Variants in SETD1B observed in about 807,000 individuals in gnomAD.
SETD1B encodes SET domain containing 1B, histone lysine methyltransferase.
A neutral mutation model predicts 148.0 loss-of-function variants in SETD1B; 7 were observed. The observed-to-expected ratio is 0.05, with a 90% CI of 0.03 to 0.09. The LOEUF (loss-of-function observed/expected upper bound fraction) is 0.09, where lower values mean the gene tolerates loss of function less well. Among genes scored for constraint, SETD1B ranks in the 10% least tolerant of loss-of-function variants. The pLI, the probability that SETD1B is intolerant of heterozygous loss-of-function variation, is 1.00. For synonymous variants in SETD1B, 1,361 were observed against 1,186.5 expected (o/e 1.15, Z -3.02); for missense variants, 2,155 against 2,729.9 (o/e 0.79, Z 4.69).
rs547890838 is a variant in SETD1B, at chr12:121,817,190, G to A, written c.2873G>A (p.Arg958His). 6 of 1,550,268 alleles carry A rather than the reference G, an allele frequency of 3.9e-6. No homozygotes were observed. The highest frequency in any genetic ancestry group is 5.2e-6 in the Non-Finnish European group (6 of 1,146,920). ...GLGIGLRGAI[R>H]LPSFKVKRKE... ...GGCATTGGGCTGCGTGGGGCCATTC[G>A]CCTGCCCTCCTTCAAGGTCAAGAGG... The change falls in exon 8 of 17, where the codon CGC becomes CAC. Residue 958 changes from arginine to histidine, a missense_variant. Arg to His is a conservative substitution (Grantham distance 29, BLOSUM62 0). This residue lies in a region of SETD1B where 289 missense variants were observed against 423.7 expected (regional missense o/e 0.68). Coordinates refer to ENST00000604567, the MANE Select transcript of SETD1B (RefSeq NM_001353345.2). This position sits in a 1 kb window ranked among gnomAD's most constrained non-coding sequence, Gnocchi z 8.1.
intron 5 of SETD1B, among the ~76,000 whole-genome samples, chr12:121,809,129 T>C (rs1350808850): frequency 2.0e-5 from 3 of 152,162 alleles, no homozygotes; most frequent in African/African-American, 7.2e-5. Flanking sequence ...CTGCCTCGGC[T>C]TCCCAAAGTG....
chr12:121,803,900 C>A (rs1875545904), upstream of SETD1B: 1 of 153,856 alleles, frequency 6.5e-6, no homozygotes, highest in Non-Finnish European at 1.5e-5. This position sits in a 1 kb window ranked among gnomAD's most constrained non-coding sequence, Gnocchi z 4.7. Context: ...GCAGCTGCCG[C>A]CGCCGGGAGA....
At chr12:121,797,220 C>T in the SETD1B span, 2 of 356,988 alleles carry the variant, frequency 5.6e-6, no homozygotes, top group African/African-American at 4.3e-5. Context: ...ATGTTCCACG[C>T]TAGGGCTCCG....
intron 4 of SETD1B, 85 bp downstream of exon 4, chr12:121,806,190 C>A: frequency 9.2e-6 from 13 of 1,419,714 alleles, no homozygotes; most frequent in South Asian, 1.4e-5. Context: ...GGGGAGGACC[C>A]CCCCTCACTC....
At position 121,817,600 on chromosome 12, in the gene SETD1B, G is replaced by A. The variant is rs1237754854; in HGVS notation, c.3208G>A (p.Glu1070Lys). Reference protein sequence around the residue: ...PSSSASDKEEEQESTEEEEEA... With the variant: ...PSSSASDKEEKQESTEEEEEA... ...GTCCTCGGCCTCCGACAAGGAGGAG[G>A]AACAGGAGAGCACCGAGGAGGAAGA... The change falls in exon 9 of 17, where the codon GAA becomes AAA. Residue 1070 changes from glutamate (E) to lysine (K), a missense_variant. Transcript: ENST00000604567. This position sits in a 1 kb window ranked among gnomAD's most constrained non-coding sequence, Gnocchi z 8.1. The A allele has an allele frequency of 6.4e-7, 1 of 1,551,576 alleles. No individual in the cohort carries two copies. The highest frequency in any genetic ancestry group is 8.7e-7 in the Non-Finnish European group (1 of 1,146,886).
chr12:121,815,894 C>G (rs1173958968), intron 7 of SETD1B, among the ~76,000 whole-genome samples: 1 of 136,882 alleles, frequency 7.3e-6, no homozygotes, highest in Non-Finnish European at 1.5e-5. Flanking sequence ...ATGGCGTGAT[C>G]TCAGCCCTCT....
At chr12:121,802,544 TCA>T (rs1482476250), upstream of SETD1B, 1 of 151,898 alleles carries the variant, frequency 6.6e-6, no homozygotes. Flanking sequence ...AATTTATTGT[TCA>T]GTCAAGAGAA....
In SETD1B at chr12:121,826,534, G is replaced by A. The variant is rs1171394917; in HGVS notation, c.5338-985G>A. On this transcript the variant is annotated intron_variant, in intron 13 of 16. Transcript: ENST00000604567. The stretch of plus-strand genomic sequence containing the variant: ...GAGCTCCATGGTGTGAGGAAGGGAA[G>A]GGAGAGGCCACTTGTGGGAGAGACA... Among the ~76,000 whole-genome samples the A allele has an allele frequency of 2.0e-5, 3 of 152,194 alleles. No individual in the cohort carries two copies. In the East Asian group the frequency reaches 5.8e-4, roughly 29 times the overall value.
chr12:121,811,929 T>A (rs1876051148), intron 6 of SETD1B, among the ~76,000 whole-genome samples: 1 of 151,708 alleles, frequency 6.6e-6, no homozygotes, highest in Admixed American at 6.5e-5. Flanking sequence ...TGTGCAGCTG[T>A]AGGGGGGCCG....
Position 121,814,519 on chromosome 12 carries a change from G to C in SETD1B, c.2304G>C (p.Trp768Cys). 1 of 1,470,100 alleles carries C rather than the reference G, an allele frequency of 6.8e-7. No homozygotes were observed. 91.1% of individuals were successfully genotyped at this position (1,470,100 alleles called of 1,614,324 possible). A position where few individuals can be genotyped will look rare whatever the true frequency, so the allele number is the denominator to read the frequency against. ...VDMSHVLGGQ[W>C]GGMPMSFQMQ... ...TGAGCCACGTGCTGGGTGGCCAGTG[G>C]GGCGGCATGCCCATGTCCTTCCAGA... The change falls in exon 7 of 17, where the codon TGG (tryptophan) becomes TGC (cysteine). Residue 768 changes from tryptophan (W) to cysteine (C), a missense_variant. Physicochemically the swap from Trp to Cys is radical, Grantham distance 215 (BLOSUM62 -2). This residue lies in a region of SETD1B where 289 missense variants were observed against 423.7 expected (regional missense o/e 0.68). Transcript: ENST00000604567.
chr12:121,798,854 A>G, the SETD1B span, among the ~76,000 whole-genome samples: 34 of 152,320 alleles, frequency 2.2e-4, no homozygotes, highest in South Asian at 3.1e-3. Flanking sequence ...CTTCTTAGAC[A>G]CTGAGATGGG....
At chr12:121,796,295 C>G in the SETD1B span, 4 of 152,850 alleles carry the variant, frequency 2.6e-5, no homozygotes, top group Non-Finnish European at 5.9e-5. Context: ...CCTGACACAA[C>G]AGCTGTTAGG....
rs1324152051 is a variant in SETD1B, at chr12:121,817,328, C to T, written c.2977+34C>T. The T allele has an allele frequency of 3.9e-6, 6 of 1,540,598 alleles. No individual in the cohort carries two copies. Among genetic ancestry groups the T allele is most frequent in the Non-Finnish European group, 4.4e-6 (5 of 1,140,654 alleles). On this transcript the variant is annotated intron_variant, in intron 8 of 16. Coordinates refer to ENST00000604567, the MANE Select transcript of SETD1B (RefSeq NM_001353345.2). The surrounding 1 kb of genome is among the most constrained non-coding windows in gnomAD (Gnocchi z 8.1). ...TCTGGGTGCTGGGGTCCCCTTCTTC[C>T]GCATCCCCCCAGCCCAGCTCTGACT... is the stretch of plus-strand genomic sequence containing the variant.
rs1287360771 is a variant in SETD1B, at chr12:121,810,314, C to T, written c.1369C>T (p.Pro457Ser). The change falls in exon 6 of 17, where the codon CCC becomes TCC. Residue 457 changes from proline to serine, a missense_variant. Pro to Ser is a moderately conservative substitution (Grantham distance 74). Around this residue, in one of 11 missense-constraint regions of SETD1B, gnomAD observed 376 missense variants for 385.0 expected, o/e 0.98. Transcript: ENST00000604567. This position sits in a 1 kb window ranked among gnomAD's most constrained non-coding sequence, Gnocchi z 7.6. ...AGGCACGCCACCCGGCCCGCCGCCC[C>T]CCGACACCAACAGCATGGAGCTGGG... ...KPGTPPGPPP[P>S]DTNSMELGGR... The T allele has an allele frequency of 9.7e-6, 15 of 1,543,902 alleles. No individual in the cohort carries two copies. In the Admixed American group the frequency reaches 1.4e-4, roughly 14 times the overall value.
chr12:121,810,958 A>G lies in SETD1B; in HGVS notation c.1890+123A>G, dbSNP rs1361541014. The G allele has an allele frequency of 7.3e-6, 9 of 1,229,378 alleles. No homozygotes were observed. Among genetic ancestry groups the G allele is most frequent in the Middle Eastern group, 2.6e-4 (1 of 3,792 alleles). The allele number at this position is 1,229,378 out of a possible 1,614,324, so 76.2% of individuals were successfully genotyped here. On this transcript the variant is annotated intron_variant, in intron 6 of 16. Transcript: ENST00000604567. The surrounding 1 kb of genome is among the most constrained non-coding windows in gnomAD (Gnocchi z 7.6). The stretch of plus-strand genomic sequence containing the variant: ...AAGCAATGGGGCTAGGAAAGCCAAT[A>G]TAACAGGTGGAACTTACAGAATAAA...
At chr12:121,797,427 A>G in the SETD1B span, 1 of 455,960 alleles carries the variant, frequency 2.2e-6, no homozygotes, top group East Asian at 7.0e-5. Context: ...GAACAGCAGC[A>G]GGAGGACAAA....
chr12:121,830,648 TTTAACCG>T lies in SETD1B; in HGVS notation c.*412_*418del, dbSNP rs1197299665. The T allele has an allele frequency of 6.3e-6, 1 of 159,436 alleles. No homozygotes were observed. The highest frequency in any genetic ancestry group is 1.8e-4 in the East Asian group (1 of 5,542). The allele number at this position is 159,436 out of a possible 1,614,324, so 9.9% of individuals were successfully genotyped here. ...TTTTTCCTCGTTGTGAGAAAAGACA[TTTAACCG>T]TTGAAATGTGAAGGTGGAATCAGAG... On this transcript the variant is annotated 3_prime_UTR_variant, in exon 17 of 17. Transcript: ENST00000604567. This position sits in a 1 kb window ranked among gnomAD's most constrained non-coding sequence, Gnocchi z 5.7.
At chr12:121,822,161 C>T (rs1420579091) in intron 11 of SETD1B, among the ~76,000 whole-genome samples, 1 of 152,178 alleles carries the variant, frequency 6.6e-6, no homozygotes, top group East Asian at 1.9e-4. Context: ...TCCGACAAGT[C>T]CTGCAGAAAA....
upstream of SETD1B, chr12:121,799,728 G>GC (rs1875221824): frequency 9.1e-6 from 1 of 109,942 alleles, no homozygotes; most frequent in African/African-American, 3.3e-5. Context: ...GGGGGGGGGG[G>GC]GGTGGGGTGG....
Sources: gnomAD v4.1 joint callset for allele counts (sites outside exome capture counted in the v4.1 genomes callset) on GRCh38, gnomAD v4.1.1 for gene constraint, gnomAD v4.1.1 regional missense constraint, Gnocchi (gnomAD v3.1) non-coding constraint, MANE v1.5 for transcripts, NCBI Gene and HGNC (gene_info 2026-07-23, HGNC 2026-07-21) for gene names.